The following ALDH1L2 variants were observed in gnomAD, a reference collection of about 807,000 sequenced individuals.
ALDH1L2 encodes mitochondrial 10-formyltetrahydrofolate dehydrogenase.
ALDH1L2 carries 91 observed loss-of-function variants against 111.0 expected under a neutral mutation model. The observed-to-expected ratio is 0.82, with a 90% confidence interval of 0.69 to 0.98. The LOEUF (loss-of-function observed/expected upper bound fraction) is 0.98, where lower values mean the gene tolerates loss of function less well. Ranked by LOEUF, ALDH1L2 falls within the 50% of genes least tolerant of loss-of-function variation. ALDH1L2 has a pLI of 0.00. For synonymous variants in ALDH1L2, 374 were observed against 392.6 expected, an observed-to-expected ratio of 0.95 and a Z score of 0.56; for missense variants, 995 against 1,126.8, an observed-to-expected ratio of 0.88 and a Z score of 1.67.
chr12:105,033,793 T>C (rs1158199074), intron 19 of ALDH1L2, among the ~76,000 whole-genome samples: 1 of 152,196 alleles, frequency 6.6e-6, no homozygotes, highest in Admixed American at 6.5e-5. Context: ...TCAACCGCAA[T>C]TGGGGATTCA....
Position 105,026,693 on chromosome 12 carries a change from G to C in ALDH1L2, c.2568C>G (p.Ala856=). Residue 856 remains alanine (A), a synonymous_variant, in exon 22 of 23, where the codon GCC becomes GCG. Transcript: ENST00000258494. ...TTATGTCTCTTGTAAAAACCCCTGA[G>C]GCCAAACCATACTCTGTACTATTTG... ...QRANSTEYGL[A]SGVFTRDINK... is the part of the protein sequence containing the mutation. The C allele has an allele frequency of 1.2e-6, 2 of 1,614,116 alleles. No individual in the cohort carries two copies. Among genetic ancestry groups the C allele is most frequent in the Non-Finnish European group, 1.7e-6 (2 of 1,180,014 alleles).
At chr12:105,068,358 T>G (rs192080439) in intron 4 of ALDH1L2, among the ~76,000 whole-genome samples, 35 of 152,302 alleles carry the variant, frequency 2.3e-4, no homozygotes, top group African/African-American at 8.4e-4. Context: ...TAAAGTACTT[T>G]TAAATTTCCA....
intron 18 of ALDH1L2, among the ~76,000 whole-genome samples, chr12:105,036,517 TATATATATATATATATATA>T (rs1875134691): frequency 2.1e-4 from 1 of 4,702 alleles, no homozygotes; most frequent in African/African-American, 2.6e-3. Flanking sequence ...ATATATTTTA[TATATATATATATATATATA>T]TATATATATA....
chr12:105,078,323 G>T (rs944663570), intron 1 of ALDH1L2, among the ~76,000 whole-genome samples: 5 of 152,170 alleles, frequency 3.3e-5, no homozygotes, highest in Admixed American at 6.5e-5. Flanking sequence ...GCTGGGCATG[G>T]TGGCGCGTGC....
At chr12:105,071,683 G>A (rs1364628834) in intron 2 of ALDH1L2, among the ~76,000 whole-genome samples, 8 of 80,682 alleles carry the variant, frequency 9.9e-5, no homozygotes, top group African/African-American at 4.5e-4. Context: ...GTGAGACGGA[G>A]TCTCGCTCTT....
chr12:105,043,410 A>G (rs1875659637), intron 15 of ALDH1L2, among the ~76,000 whole-genome samples: 1 of 152,248 alleles, frequency 6.6e-6, no homozygotes, highest in Admixed American at 6.5e-5. Flanking sequence ...TTCTAGTAAC[A>G]GATCCACGAC....
At chr12:105,077,739 TAA>T (rs543463878) in intron 1 of ALDH1L2, among the ~76,000 whole-genome samples, 20 of 115,396 alleles carry the variant, frequency 1.7e-4, no homozygotes, top group Admixed American at 2.7e-4. Context: ...CTCCAAGAAT[TAA>T]AAAAAAAAAA....
At position 105,040,698 on chromosome 12, in the gene ALDH1L2, A is replaced by G. The variant is rs1242871443; in HGVS notation, c.1864-4T>C. ...TCAAAGCAGTCAAGGGCGTGACCTGAGGAGAAGCAAACAGCAATTACCTTC... is the reference window on the plus strand; with the variant it reads ...TCAAAGCAGTCAAGGGCGTGACCTGGGGAGAAGCAAACAGCAATTACCTTC... On this transcript the variant is annotated splice_polypyrimidine_tract_variant and splice_region_variant and intron_variant, in intron 15 of 22. Coordinates refer to ENST00000258494, the MANE Select transcript of ALDH1L2 (RefSeq NM_001034173.4). 1.9e-6 allele frequency: 3 copies of G among 1,613,856 alleles called. No homozygotes were observed. Among genetic ancestry groups the G allele is most frequent in the African/African-American group, 1.3e-5 (1 of 74,924 alleles).
intron 15 of ALDH1L2, among the ~76,000 whole-genome samples, chr12:105,044,255 A>G (rs1875708902): frequency 6.6e-6 from 1 of 152,158 alleles, no homozygotes; most frequent in South Asian, 2.1e-4. Flanking sequence ...ATTTTTGGAC[A>G]TTATATATAC....
At chr12:105,068,136 G>A (rs1167670174) in intron 4 of ALDH1L2, among the ~76,000 whole-genome samples, 1 of 151,970 alleles carries the variant, frequency 6.6e-6, no homozygotes, top group African/African-American at 2.4e-5. Context: ...GGCTACTACT[G>A]TATATAATCT....
chr12:105,060,828 A>G (rs1042959055), intron 9 of ALDH1L2, 153 bp downstream of exon 9: 30 of 138,068 alleles, frequency 2.2e-4, no homozygotes. Context: ...CCATCTCAGG[A>G]AAAAAAAAAA....
chr12:105,038,279 AACACACACACACACACACACAC>A (rs555214940), intron 17 of ALDH1L2, 77 bp from the exon 18 acceptor site: 29 of 246,938 alleles, frequency 1.2e-4, no homozygotes, highest in African/African-American at 5.3e-4. Flanking sequence ...CACACACACA[AACACACACACACACACACACAC>A]ACACACACAC....
chr12:105,064,399 T>C (rs896821303), intron 6 of ALDH1L2, among the ~76,000 whole-genome samples: 9 of 152,056 alleles, frequency 5.9e-5, no homozygotes, highest in Admixed American at 5.2e-4. Context: ...GGTTACACAG[T>C]AAATTTTCAT....
At chr12:105,068,496 G>A (rs1877503864) in intron 4 of ALDH1L2, among the ~76,000 whole-genome samples, 1 of 152,008 alleles carries the variant, frequency 6.6e-6, no homozygotes, top group African/African-American at 2.4e-5. Flanking sequence ...TGCATCCATT[G>A]GATCACTGCT....
At position 105,036,058 on chromosome 12, in the gene ALDH1L2, A is replaced by ATATATATACGTATATTTATATATGTG. The variant is rs1875008958; in HGVS notation, c.2146-1686_2146-1661dup. Reference sequence around the variant, plus strand: ...ATATTTATATATGTGTATATATATTATATATATACGTATATTTATATATGT... The same window carrying ATATATATACGTATATTTATATATGTG: ...ATATTTATATATGTGTATATATATTATATATATACGTATATTTATATATGTGTATATATACGTATATTTATATATGT... On this transcript the variant is annotated intron_variant, in intron 18 of 22. Transcript: ENST00000258494. Among the ~76,000 whole-genome samples the ATATATATACGTATATTTATATATGTG allele has an allele frequency of 3.9e-5, 2 of 51,686 alleles. 1 individual carries two copies. The highest frequency in any genetic ancestry group is 2.9e-4 in the African/African-American group (2 of 7,010). 33.9% of individuals were successfully genotyped at this position (51,686 alleles called of 152,430 possible). A position where few individuals can be genotyped will look rare whatever the true frequency, so the allele number is the denominator to read the frequency against.
intron 9 of ALDH1L2, among the ~76,000 whole-genome samples, chr12:105,058,570 T>G (rs145010744): frequency 2.6e-4 from 40 of 152,340 alleles, no homozygotes; most frequent in African/African-American, 8.7e-4. Context: ...AAAGACACTT[T>G]CCTAACTGTA....
chr12:105,051,347 T>C (rs1592784506), intron 12 of ALDH1L2, among the ~76,000 whole-genome samples: 2 of 151,856 alleles, frequency 1.3e-5, no homozygotes. Context: ...GGCTGGGGAG[T>C]TGGATTCCCT....
intron 18 of ALDH1L2, among the ~76,000 whole-genome samples, chr12:105,037,005 T>TG (rs1464117415): frequency 6.6e-6 from 1 of 152,160 alleles, no homozygotes; most frequent in Non-Finnish European, 1.5e-5. Context: ...GCTTACATGA[T>TG]GAAGTTTGGC....
At chr12:105,044,692 G>GTATTTGTTACATTTTAACATGTAAT (rs1875737617) in intron 15 of ALDH1L2, among the ~76,000 whole-genome samples, 1 of 151,418 alleles carries the variant, frequency 6.6e-6, no homozygotes, top group Admixed American at 6.6e-5. Context: ...TCTTTTAACT[G>GTATTTGTTACATTTTAACATGTAAT]AGGGATTCTG....
Sources: gnomAD v4.1 joint callset for allele counts (sites outside exome capture counted in the v4.1 genomes callset) on GRCh38, gnomAD v4.1.1 for gene constraint, MANE v1.5 for transcripts, NCBI Gene and HGNC (gene_info 2026-07-23, HGNC 2026-07-21) for gene names.